Variants in SLC1A6 observed in about 807,000 individuals in gnomAD.
SLC1A6 encodes the protein excitatory amino acid transporter 4.
SLC1A6 carries 15 observed loss-of-function variants against 42.1 expected under a neutral mutation model. The observed-to-expected ratio is 0.36, with a 90% CI of 0.24 to 0.55. The LOEUF (loss-of-function observed/expected upper bound fraction) is 0.55, where lower values mean the gene tolerates loss of function less well. Ranked by LOEUF, SLC1A6 falls within the 20% of genes least tolerant of loss-of-function variation. The pLI is 0.88. For missense variants in SLC1A6, 542 were observed against 772.5 expected (o/e 0.70, Z 3.54); for synonymous variants, 317 against 319.7 (o/e 0.99, Z 0.09).
intron 1 of SLC1A6, among the ~76,000 whole-genome samples, chr19:15,002,751 A>G (rs1421871624): frequency 6.6e-6 from 1 of 152,216 alleles, no homozygotes; most frequent in Non-Finnish European, 1.5e-5. Flanking sequence ...AACATGTGAA[A>G]GAGCACAGGG....
chr19:14,993,704 A>G (rs2045831733), intron 1 of SLC1A6, among the ~76,000 whole-genome samples: 1 of 152,232 alleles, frequency 6.6e-6, no homozygotes, highest in Non-Finnish European at 1.5e-5. Context: ...CAAGGATGCA[A>G]TGGGTAAGAC....
At chr19:14,957,225 A>G (rs970538380) in intron 6 of SLC1A6, among the ~76,000 whole-genome samples, 4 of 152,156 alleles carry the variant, frequency 2.6e-5, no homozygotes, top group African/African-American at 9.7e-5. Flanking sequence ...CACTTGTCCT[A>G]TCAAAATCAC....
intron 1 of SLC1A6, among the ~76,000 whole-genome samples, chr19:14,989,419 G>T (rs187155888): frequency 6.6e-6 from 1 of 151,718 alleles, no homozygotes; most frequent in African/African-American, 2.4e-5. Flanking sequence ...GCACCACCAC[G>T]CCTGGCTAAT....
In SLC1A6 at chr19:14,962,428, T is replaced by A. The variant is rs2045524782; in HGVS notation, c.592-83A>T. ...GGAGAAATTCCTTGAGACCACTGATTCCCAGTTCCCACACCCTGGAAGATC... is the reference window on the plus strand; with the variant it reads ...GGAGAAATTCCTTGAGACCACTGATACCCAGTTCCCACACCCTGGAAGATC... On this transcript the variant is annotated intron_variant, in intron 5 of 9. Transcript: ENST00000594383. The A allele has an allele frequency of 4.4e-6, 4 of 899,514 alleles. No individual in the cohort carries two copies. In the Admixed American group the frequency reaches 8.2e-5, roughly 19 times the overall value. The allele number at this position is 899,514 out of a possible 1,614,324, so 55.7% of individuals were successfully genotyped here.
At chr19:14,971,309 A>G (rs973299953) in intron 3 of SLC1A6, among the ~76,000 whole-genome samples, 1 of 152,064 alleles carries the variant, frequency 6.6e-6, no homozygotes, top group Non-Finnish European at 1.5e-5. Flanking sequence ...TGCATAAGCC[A>G]ACCATACTCC....
At position 14,954,667 on chromosome 19, in the gene SLC1A6, C is replaced by T. The variant is rs1480636488; in HGVS notation, c.1170-338G>A. Among the ~76,000 whole-genome samples the T allele has an allele frequency of 3.3e-5, 5 of 152,038 alleles. No homozygotes were observed. In the East Asian group the frequency reaches 9.7e-4, roughly 29 times the overall value. The stretch of plus-strand genomic sequence containing the variant: ...AGAAATGAGCCCAAGGAGCGTTCCC[C>T]TTGAGAACATTGAGCAGGCCAGGTG... On this transcript the variant is annotated intron_variant, in intron 7 of 9. Transcript: ENST00000594383.
intron 1 of SLC1A6, among the ~76,000 whole-genome samples, chr19:14,988,246 A>T (rs1035145461): frequency 6.6e-6 from 1 of 152,198 alleles, no homozygotes; most frequent in Non-Finnish European, 1.5e-5. Context: ...GTTAACCAAG[A>T]GACTTTCTCC....
intron 3 of SLC1A6, among the ~76,000 whole-genome samples, chr19:14,970,521 C>T (rs1384253038): frequency 6.6e-6 from 1 of 151,652 alleles, no homozygotes; most frequent in African/African-American, 2.4e-5. Flanking sequence ...ACCATCCTGG[C>T]TAGCACGGTG....
At chr19:14,970,224 C>T (rs2045621988) in intron 3 of SLC1A6, among the ~76,000 whole-genome samples, 1 of 152,080 alleles carries the variant, frequency 6.6e-6, no homozygotes, top group Non-Finnish European at 1.5e-5. Context: ...CATGTATCAC[C>T]ATATCCTGCT....
rs976685277 is a variant in SLC1A6, at chr19:14,956,640, C to T, written c.1005G>A (p.Leu335=). 75 of 1,613,876 alleles carry T rather than the reference C, an allele frequency of 4.6e-5. No individual in the cohort carries two copies. The highest frequency in any genetic ancestry group is 6.2e-5 in the Non-Finnish European group (73 of 1,179,958). Residue 335 remains leucine (L), a synonymous_variant, in exon 7 of 10, where the codon CTG becomes CTA. Coordinates refer to ENST00000594383, the MANE Select transcript of SLC1A6 (RefSeq NM_005071.3). ...GGGTGTACATGCCCAGCTGACCCCC[C>T]AGGACGGCCATGTCTTCCATCTCCA... ...KILEMEDMAV[L]GGQLGMYTLT...
intron 1 of SLC1A6, among the ~76,000 whole-genome samples, chr19:15,008,844 GT>G (rs33972917): frequency 0.63 from 89,432 of 142,326 alleles, 28,830 homozygotes; most frequent in African/African-American, 0.81. Flanking sequence ...AATAATTCGC[GT>G]TTTTTTTTTT....
chr19:14,974,423 C>A (rs1356064505), intron 1 of SLC1A6: 2 of 151,814 alleles, frequency 1.3e-5, no homozygotes, highest in East Asian at 3.9e-4. Context: ...AAACTTTAGA[C>A]CCCTACTTGA....
At chr19:14,968,612 A>G in intron 3 of SLC1A6, 105 bp from the exon 4 acceptor site, 1 of 971,050 alleles carries the variant, frequency 1.0e-6, no homozygotes, top group East Asian at 2.7e-5. Context: ...CAGCCGACCC[A>G]CCAAGCATCC....
chr19:14,969,770 G>A (rs1036241798), intron 3 of SLC1A6, among the ~76,000 whole-genome samples: 2 of 152,160 alleles, frequency 1.3e-5, no homozygotes, highest in South Asian at 2.1e-4. Flanking sequence ...TGCCAAATCC[G>A]GCCCTCTGCC....
intron 1 of SLC1A6, among the ~76,000 whole-genome samples, chr19:14,996,286 C>T (rs941885193): frequency 6.6e-6 from 1 of 152,128 alleles, no homozygotes; most frequent in East Asian, 1.9e-4. Context: ...ACATTGGTTA[C>T]CAGGGACTGC....
intron 6 of SLC1A6, among the ~76,000 whole-genome samples, chr19:14,960,952 G>A (rs1183843233): frequency 1.6e-5 from 2 of 125,920 alleles, no homozygotes; most frequent in African/African-American, 6.3e-5. Flanking sequence ...TTTTGAGACT[G>A]GGTCTCATTC....
intron 1 of SLC1A6, chr19:14,976,833 T>C (rs571334330): frequency 6.6e-6 from 1 of 152,334 alleles, no homozygotes; most frequent in East Asian, 1.9e-4. Context: ...CCCTGGCCTT[T>C]GTGTTTTGCT....
intron 1 of SLC1A6, among the ~76,000 whole-genome samples, chr19:15,000,786 A>T (rs1471542488): frequency 2.6e-5 from 4 of 152,186 alleles, no homozygotes; most frequent in Admixed American, 6.5e-5. Flanking sequence ...ACTTGTCATA[A>T]GGACACCAGT....
chr19:14,956,416 G>C lies in SLC1A6; in HGVS notation c.1169+60C>G. 2.7e-6 allele frequency: 3 copies of C among 1,109,154 alleles called. No individual in the cohort carries two copies. In the South Asian group the frequency reaches 4.7e-5, roughly 17 times the overall value. 68.7% of individuals were successfully genotyped at this position (1,109,154 alleles called of 1,614,324 possible). ...TGGAGAGGGCAGGTGCCTTAGGAGA[G>C]GACATGAAGGACAAGAAGTGCAACC... On this transcript the variant is annotated intron_variant, in intron 7 of 9. Transcript: ENST00000594383.
Sources: allele counts gnomAD v4.1 joint callset (sites outside exome capture counted in the v4.1 genomes callset), GRCh38; gene constraint gnomAD v4.1.1; transcripts MANE v1.5; gene names NCBI Gene and HGNC (gene_info 2026-07-23, HGNC 2026-07-21).